The following CNTN5 variants were observed in gnomAD, a reference collection of about 807,000 sequenced individuals.
CNTN5 encodes the protein contactin-5.
A neutral mutation model predicts 129.1 loss-of-function variants in CNTN5; 77 were observed. The observed-to-expected ratio is 0.60, with a 90% CI of 0.50 to 0.72. CNTN5 has a LOEUF of 0.72. CNTN5 is among the 30% of genes least tolerant of loss of function. The pLI is 0.00. For missense variants in CNTN5, 1,478 were observed against 1,328.8 expected, an observed-to-expected ratio of 1.11 and a Z score of -1.75; for synonymous variants, 509 against 465.6, an observed-to-expected ratio of 1.09 and a Z score of -1.20.
At chr11:99,931,389 A>G (rs1212964199) in intron 7 of CNTN5, among the ~76,000 whole-genome samples, 1 of 152,198 alleles carries the variant, frequency 6.6e-6, no homozygotes, top group African/African-American at 2.4e-5. Flanking sequence ...ATATTTAGAC[A>G]CAGCATAAGG....
At chr11:100,097,974 T>G (rs1046232629) in intron 13 of CNTN5, among the ~76,000 whole-genome samples, 5 of 152,062 alleles carry the variant, frequency 3.3e-5, no homozygotes, top group Non-Finnish European at 7.4e-5. Flanking sequence ...GGGGAGTTTT[T>G]TTTTAAGAAA....
chr11:99,141,571 AG>A (rs1859518399), intron 1 of CNTN5, among the ~76,000 whole-genome samples: 1 of 151,840 alleles, frequency 6.6e-6, no homozygotes, highest in Non-Finnish European at 1.5e-5. Context: ...TTTTTTCTCT[AG>A]TTCCTCTTGG....
intron 2 of CNTN5, among the ~76,000 whole-genome samples, chr11:99,528,938 G>T (rs1565264112): frequency 7.2e-6 from 1 of 139,460 alleles, no homozygotes; most frequent in Admixed American, 7.0e-5. Flanking sequence ...AGTGGTGCAT[G>T]CCCATAATAC....
intron 1 of CNTN5, among the ~76,000 whole-genome samples, chr11:99,135,971 A>G (rs1859197895): frequency 6.6e-6 from 1 of 152,192 alleles, no homozygotes; most frequent in Admixed American, 6.6e-5. Flanking sequence ...TGTTTAATGC[A>G]TGAATGTAAT....
At chr11:100,272,564 A>G (rs1950425853) in intron 18 of CNTN5, among the ~76,000 whole-genome samples, 1 of 152,096 alleles carries the variant, frequency 6.6e-6, no homozygotes, top group African/African-American at 2.4e-5. Flanking sequence ...AAGATGGCCC[A>G]CTAGACTCAA....
rs543157378 is a variant in CNTN5 at position 99,556,786 on chromosome 11, G to C, written c.55+517G>C. ...TATCTAAAGGCATCTCTAACACAAT[G>C]TATTTTTTCAGATTGTCTCACCTTC... On this transcript the variant is annotated intron_variant, in intron 3 of 24. Transcript: ENST00000524871. Among the ~76,000 whole-genome samples the C allele has an allele frequency of 9.8e-4, 148 of 150,422 alleles. 2 individuals are homozygous for C. Among genetic ancestry groups the C allele is most frequent in the African/African-American group, 3.4e-3 (139 of 41,276 alleles).
At chr11:99,356,178 T>C (rs1938651670) in intron 2 of CNTN5, among the ~76,000 whole-genome samples, 1 of 134,798 alleles carries the variant, frequency 7.4e-6, no homozygotes, top group African/African-American at 2.9e-5. Flanking sequence ...CTATATATAA[T>C]GCCTTAACCA....
At chr11:99,453,710 G>A (rs1033243759) in intron 2 of CNTN5, among the ~76,000 whole-genome samples, 9 of 152,110 alleles carry the variant, frequency 5.9e-5, no homozygotes, top group Non-Finnish European at 1.3e-4. Context: ...TGTGTCCTTA[G>A]GTTCCTTTTT....
chr11:99,367,019 G>T (rs61891990), intron 2 of CNTN5, among the ~76,000 whole-genome samples: 2 of 152,062 alleles, frequency 1.3e-5, no homozygotes, highest in East Asian at 3.8e-4. Context: ...GTTTTTGATA[G>T]AATAGAATCA....
At chr11:99,099,365 C>T (rs1032360284) in intron 1 of CNTN5, among the ~76,000 whole-genome samples, 7 of 152,082 alleles carry the variant, frequency 4.6e-5, no homozygotes, top group African/African-American at 1.2e-4. Context: ...AGGCACCATT[C>T]TCTTCATTCC....
At chr11:100,098,973 T>C (rs775003379) in intron 13 of CNTN5, among the ~76,000 whole-genome samples, 1 of 152,026 alleles carries the variant, frequency 6.6e-6, no homozygotes, top group Non-Finnish European at 1.5e-5. Context: ...TGTATTCTAC[T>C]GGTCAAAGTA....
intron 16 of CNTN5, among the ~76,000 whole-genome samples, chr11:100,235,687 C>T (rs1949598469): frequency 6.6e-6 from 1 of 152,126 alleles, no homozygotes; most frequent in Admixed American, 6.5e-5. Context: ...TATGGAAAAA[C>T]AACAGTTTGC....
intron 13 of CNTN5, among the ~76,000 whole-genome samples, chr11:100,123,405 A>G (rs1043791726): frequency 5.3e-5 from 8 of 152,078 alleles, no homozygotes; most frequent in Middle Eastern, 3.2e-3. Context: ...TCCTAGGTGG[A>G]ATAAATATAA....
chr11:100,073,656 A>T (rs1267731422), intron 12 of CNTN5, among the ~76,000 whole-genome samples: 3 of 151,958 alleles, frequency 2.0e-5, no homozygotes, highest in Non-Finnish European at 2.9e-5. Context: ...ATTCAATTTT[A>T]AAAATTAATT....
At chr11:99,788,749 C>T (rs1945628097) in intron 3 of CNTN5, among the ~76,000 whole-genome samples, 2 of 151,850 alleles carry the variant, frequency 1.3e-5, no homozygotes, top group South Asian at 2.1e-4. Context: ...CACCTCTTGG[C>T]CAGATTAAAT....
At chr11:100,158,750 T>G (rs554015845) in intron 13 of CNTN5, among the ~76,000 whole-genome samples, 1 of 151,994 alleles carries the variant, frequency 6.6e-6, no homozygotes, top group South Asian at 2.1e-4. Flanking sequence ...GTTATATATT[T>G]TCATGACCAC....
intron 3 of CNTN5, among the ~76,000 whole-genome samples, chr11:99,784,286 C>T (rs758823241): frequency 6.6e-6 from 1 of 152,054 alleles, no homozygotes. Context: ...TCTCCTAATG[C>T]TATCCCTCCC....
chr11:99,142,478 G>T (rs1859570992), intron 1 of CNTN5, among the ~76,000 whole-genome samples: 1 of 152,078 alleles, frequency 6.6e-6, no homozygotes, highest in African/African-American at 2.4e-5. Flanking sequence ...TGGTGTAGGA[G>T]CTATGGTAGT....
At chr11:99,224,583 G>A (rs1860573318) in intron 1 of CNTN5, among the ~76,000 whole-genome samples, 1 of 151,592 alleles carries the variant, frequency 6.6e-6, no homozygotes, top group Non-Finnish European at 1.5e-5. Context: ...CACTCATTGT[G>A]CCAGCTGGTG....
Sources: allele counts gnomAD v4.1 joint callset (sites outside exome capture counted in the v4.1 genomes callset), GRCh38; gene constraint gnomAD v4.1.1; transcripts MANE v1.5; gene names NCBI Gene and HGNC (gene_info 2026-07-23, HGNC 2026-07-21).